MDFIC2: variants seen among roughly 807,000 people sequenced by gnomAD.
MDFIC2 encodes the protein myoD family inhibitor domain-containing protein 2.
At chr3:70,265,527 C>T (rs1181773059) in intron 2 of MDFIC2, among the ~76,000 whole-genome samples, 2 of 151,904 alleles carry the variant, frequency 1.3e-5, no homozygotes, top group Non-Finnish European at 2.9e-5. Flanking sequence ...AGTTCATGAG[C>T]GAACCTTCCC....
chr3:70,253,881 T>G (rs1701791201), intron 2 of MDFIC2, among the ~76,000 whole-genome samples: 1 of 152,146 alleles, frequency 6.6e-6, no homozygotes, highest in Non-Finnish European at 1.5e-5. Context: ...TTCCTGGAGA[T>G]AAAACTTTTT....
intron 2 of MDFIC2, among the ~76,000 whole-genome samples, chr3:70,227,957 A>G (rs764047019): frequency 3.7e-4 from 57 of 152,076 alleles, no homozygotes; most frequent in Admixed American, 4.6e-4. Context: ...GGTGAATAGT[A>G]TAACATTCAT....
At position 70,288,199 on chromosome 3, in the gene MDFIC2, G is replaced by T. The variant is rs955737732; in HGVS notation, c.88+23687C>A. 5.1e-5 allele frequency among the ~76,000 whole-genome samples: 7 copies of T among 138,460 alleles called. No individual in the cohort carries two copies. In the East Asian group the frequency reaches 1.5e-3, roughly 29 times the overall value. 90.8% of individuals were successfully genotyped at this position (138,460 alleles called of 152,430 possible). A position where few individuals can be genotyped will look rare whatever the true frequency, so the allele number is the denominator to read the frequency against. On this transcript the variant is annotated intron_variant, in intron 2 of 3. Coordinates refer to ENST00000567252, the MANE Select transcript of MDFIC2 (RefSeq NM_001364677.1). ...CTGCTTTCTCTTGTGGGCATTTAGTGCTATAAATTTCCCTCTACACACTGC... is the reference window on the plus strand; with the variant it reads ...CTGCTTTCTCTTGTGGGCATTTAGTTCTATAAATTTCCCTCTACACACTGC...
intron 2 of MDFIC2, among the ~76,000 whole-genome samples, chr3:70,263,689 C>A (rs1183538451): frequency 6.6e-6 from 1 of 152,202 alleles, no homozygotes; most frequent in African/African-American, 2.4e-5. Flanking sequence ...ATCTACCGAG[C>A]TCCCTTCTCT....
intron 2 of MDFIC2, among the ~76,000 whole-genome samples, chr3:70,223,536 G>A (rs771505138): frequency 2.0e-5 from 3 of 152,036 alleles, no homozygotes; most frequent in Non-Finnish European, 4.4e-5. Flanking sequence ...GCCTCAATTT[G>A]GAAAGGCTGA....
chr3:70,250,862 C>T (rs1258746159), intron 2 of MDFIC2, among the ~76,000 whole-genome samples: 1 of 152,020 alleles, frequency 6.6e-6, no homozygotes, highest in African/African-American at 2.4e-5. Flanking sequence ...GGCAGACTGT[C>T]AAATAGTAAG....
intron 2 of MDFIC2, among the ~76,000 whole-genome samples, chr3:70,300,279 C>T (rs1480224431): frequency 6.6e-6 from 1 of 152,098 alleles, no homozygotes; most frequent in African/African-American, 2.4e-5. Context: ...AACATTTCTC[C>T]TTTATTTAAA....
intron 2 of MDFIC2, among the ~76,000 whole-genome samples, chr3:70,229,706 A>G (rs1701540676): frequency 1.3e-5 from 2 of 152,172 alleles, no homozygotes; most frequent in South Asian, 4.1e-4. Context: ...CAGAGCCACA[A>G]AATAGAAAAA....
At chr3:70,225,223 A>G (rs958966844) in intron 2 of MDFIC2, among the ~76,000 whole-genome samples, 17 of 152,216 alleles carry the variant, frequency 1.1e-4, no homozygotes, top group Non-Finnish European at 1.8e-4. Flanking sequence ...AGAGAAATGT[A>G]TAATACTGAT....
intron 2 of MDFIC2, among the ~76,000 whole-genome samples, chr3:70,310,800 C>T (rs773412876): frequency 5.3e-5 from 8 of 152,034 alleles, no homozygotes; most frequent in African/African-American, 9.7e-5. Flanking sequence ...CATGTTCTGA[C>T]GAGTAACTTA....
intron 2 of MDFIC2, among the ~76,000 whole-genome samples, chr3:70,267,573 T>TTG (rs1166579176): frequency 0.018 from 1,813 of 103,598 alleles, 64 homozygotes; most frequent in Non-Finnish European, 0.026. Flanking sequence ...CGGCTAATTT[T>TTG]TTGTATTTTT....
chr3:70,299,821 T>A (rs1483252834), intron 2 of MDFIC2, among the ~76,000 whole-genome samples: 2 of 152,126 alleles, frequency 1.3e-5, no homozygotes, highest in Non-Finnish European at 2.9e-5. Context: ...CAACCTCACA[T>A]ATATTTTATG....
chr3:70,311,851 C>T, intron 2 of MDFIC2, 35 bp downstream of exon 2: 2 of 397,164 alleles, frequency 5.0e-6, no homozygotes, highest in South Asian at 2.6e-4. Flanking sequence ...GCAAAATTTT[C>T]ACACCAATAG....
At chr3:70,198,199 G>C (rs1701200199) in intron 3 of MDFIC2, among the ~76,000 whole-genome samples, 1 of 152,056 alleles carries the variant, frequency 6.6e-6, no homozygotes, top group South Asian at 2.1e-4. Flanking sequence ...TAACATTCTA[G>C]CATGAATTAG....
At chr3:70,259,157 T>C (rs1001850107) in intron 2 of MDFIC2, among the ~76,000 whole-genome samples, 1 of 152,148 alleles carries the variant, frequency 6.6e-6, no homozygotes, top group African/African-American at 2.4e-5. Context: ...CTTTTTCATA[T>C]GTGGTCCTTT....
chr3:70,282,193 C>A lies in MDFIC2; in HGVS notation c.88+29693G>T, dbSNP rs11924537. Among the ~76,000 whole-genome samples the A allele has an allele frequency of 1.3e-4, 20 of 151,966 alleles. 1 individual carries two copies. The highest frequency in any genetic ancestry group is 2.0e-4 in the Admixed American group (3 of 15,264). On this transcript the variant is annotated intron_variant, in intron 2 of 3. Transcript: ENST00000567252. ...CTCCTGGGATGCAGTAATCAAAAAA[C>A]CCTTCTTTCCTGGCAGTATTTGCTG...
intron 2 of MDFIC2, chr3:70,249,019 A>G (rs1701734448): frequency 6.6e-6 from 1 of 152,162 alleles, no homozygotes; most frequent in South Asian, 2.1e-4. Flanking sequence ...CAGAGATATT[A>G]TCGTAAGTTC....
chr3:70,250,673 C>T (rs1380229360), intron 2 of MDFIC2, among the ~76,000 whole-genome samples: 1 of 152,172 alleles, frequency 6.6e-6, no homozygotes, highest in African/African-American at 2.4e-5. Context: ...TTTCCAGCTT[C>T]CCTAGAACAC....
intron 2 of MDFIC2, among the ~76,000 whole-genome samples, chr3:70,291,492 C>T (rs1702239522): frequency 6.6e-6 from 1 of 152,198 alleles, no homozygotes; most frequent in Non-Finnish European, 1.5e-5. Context: ...TTCTACTTCT[C>T]ACATTGTATT....
Sources: allele counts gnomAD v4.1 joint callset (sites outside exome capture counted in the v4.1 genomes callset), GRCh38; gene constraint gnomAD v4.1.1; transcripts MANE v1.5; gene names NCBI Gene and HGNC (gene_info 2026-07-23, HGNC 2026-07-21).